Variants in DUSP13B observed in about 807,000 individuals in gnomAD.
The protein encoded by DUSP13B is dual specificity phosphatase 13B.
the DUSP13B span, chr10:75,108,120 C>T: frequency 6.2e-7 from 1 of 1,613,742 alleles, no homozygotes; most frequent in South Asian, 1.1e-5. Context: ...GAAGTCAGGG[C>T]CGCCCTGACA....
the DUSP13B span, chr10:75,101,966 T>A: frequency 1.5e-6 from 2 of 1,367,354 alleles, no homozygotes; most frequent in Non-Finnish European, 2.0e-6. Context: ...CTGTTTCTAT[T>A]TTTTGATTTG....
chr10:75,099,116 G>C, the DUSP13B span: 1 of 1,232,186 alleles, frequency 8.1e-7, no homozygotes, highest in Non-Finnish European at 1.0e-6. Context: ...AAGGAGTCAG[G>C]GACCCTGCGG....
chr10:75,100,223 A>G, the DUSP13B span, among the ~76,000 whole-genome samples: 1 of 152,142 alleles, frequency 6.6e-6, no homozygotes, highest in African/African-American at 2.4e-5. Context: ...GGGGGCTGGT[A>G]GGCCACAGTG....
At chr10:75,100,113 G>T in the DUSP13B span, among the ~76,000 whole-genome samples, 1 of 152,112 alleles carries the variant, frequency 6.6e-6, no homozygotes, top group East Asian at 1.9e-4. Context: ...ATGGGGTGAG[G>T]CTGCCCCCTG....
At chr10:75,099,212 T>C in the DUSP13B span, 2 of 1,232,218 alleles carry the variant, frequency 1.6e-6, no homozygotes, top group African/African-American at 3.1e-5. Flanking sequence ...CCTGATCCCC[T>C]GGACCAGTGA....
the DUSP13B span, among the ~76,000 whole-genome samples, chr10:75,096,254 C>T: frequency 2.0e-5 from 3 of 151,442 alleles, no homozygotes; most frequent in African/African-American, 7.3e-5. Context: ...GACTCCATCT[C>T]AAAAAAACAA....
chr10:75,107,910 G>A, the DUSP13B span: 1 of 1,433,438 alleles, frequency 7.0e-7, no homozygotes, highest in Non-Finnish European at 9.5e-7. Context: ...AGGGATGGGA[G>A]GGCACTGATG....
At chr10:75,103,157 G>T in the DUSP13B span, among the ~76,000 whole-genome samples, 1 of 152,238 alleles carries the variant, frequency 6.6e-6, no homozygotes, top group Non-Finnish European at 1.5e-5. Flanking sequence ...AGGGCAGGAA[G>T]TTCAAGTTGG....
the DUSP13B span, chr10:75,105,809 A>G: frequency 1.3e-6 from 2 of 1,551,036 alleles, no homozygotes; most frequent in Non-Finnish European, 1.7e-6. Context: ...AGCATGAGGT[A>G]GGCCAGGACC....
chr10:75,102,737 G>A, the DUSP13B span, among the ~76,000 whole-genome samples: 2 of 152,210 alleles, frequency 1.3e-5, no homozygotes, highest in Non-Finnish European at 2.9e-5. Flanking sequence ...CGGATCACCT[G>A]AGGTCGGGAG....
chr10:75,095,218 C>T, the DUSP13B span, among the ~76,000 whole-genome samples: 9 of 152,170 alleles, frequency 5.9e-5, no homozygotes, highest in Admixed American at 6.5e-5. Flanking sequence ...ACCTCCCTTT[C>T]CCCCGAGTTC....
the DUSP13B span, chr10:75,095,848 C>T: frequency 1.3e-6 from 2 of 1,567,014 alleles, no homozygotes; most frequent in South Asian, 2.2e-5. Context: ...CTCACTGTGG[C>T]AGCTCTGGCT....
At chr10:75,096,598 A>C in the DUSP13B span, among the ~76,000 whole-genome samples, 1 of 151,850 alleles carries the variant, frequency 6.6e-6, no homozygotes, top group South Asian at 2.1e-4. Flanking sequence ...AAAAAAGAAA[A>C]ATTAGCTAGG....
chr10:75,108,293 G>C, the DUSP13B span: 5 of 1,506,792 alleles, frequency 3.3e-6, no homozygotes, highest in Admixed American at 2.2e-5. Flanking sequence ...GCTGCAGAGG[G>C]ACCGAGCCAT....
At chr10:75,105,731 G>A in the DUSP13B span, 571 of 1,554,534 alleles carry the variant, frequency 3.7e-4, 2 homozygotes, top group African/African-American at 6.3e-3. Context: ...AGGAAGCCTC[G>A]GTTGGGGAAG....
the DUSP13B span, chr10:75,109,170 C>T: frequency 7.2e-5 from 113 of 1,565,074 alleles, no homozygotes; most frequent in Non-Finnish European, 9.5e-5. Context: ...GCCAGCCCGC[C>T]CACCCCTCTG....
At chr10:75,108,402 GGT>G in the DUSP13B span, 7 of 1,025,492 alleles carry the variant, frequency 6.8e-6, no homozygotes, top group African/African-American at 1.6e-5. Flanking sequence ...CTGAGCCGGC[GGT>G]GTGTGTGTCG....
At chr10:75,107,902 G>T in the DUSP13B span, 1 of 1,400,008 alleles carries the variant, frequency 7.1e-7, no homozygotes. Context: ...TAAAAAGCAG[G>T]GATGGGAGGG....
the DUSP13B span, chr10:75,108,169 T>C: frequency 1.8e-5 from 29 of 1,612,026 alleles, no homozygotes; most frequent in Non-Finnish European, 2.5e-5. Context: ...ACGTGGGTGA[T>C]GCCCAGCTTC....
Sources: allele counts gnomAD v4.1 joint callset (sites outside exome capture counted in the v4.1 genomes callset), GRCh38; gene constraint gnomAD v4.1.1; transcripts MANE v1.5; gene names NCBI Gene and HGNC (gene_info 2026-07-23, HGNC 2026-07-21).